AGAP1: variants seen among roughly 807,000 people sequenced by gnomAD.
AGAP1 encodes ArfGAP with GTPase domain, ankyrin repeat and PH domain 1.
In AGAP1, 29 loss-of-function variants were observed where a neutral mutation model predicts 105.3. That is an observed-to-expected ratio of 0.28 (90% CI 0.21 to 0.38). The LOEUF (loss-of-function observed/expected upper bound fraction) is 0.38, where lower values mean the gene tolerates loss of function less well. AGAP1 is among the 10% of genes least tolerant of loss of function. The pLI, the probability that AGAP1 is intolerant of heterozygous loss-of-function variation, is 1.00. For missense variants in AGAP1, 998 were observed against 1,165.1 expected (o/e 0.86, Z 2.09); for synonymous variants, 509 against 485.9 (o/e 1.05, Z -0.63).
At chr2:235,511,873 T>TGTGTGG (rs1942137409) in intron 1 of AGAP1, among the ~76,000 whole-genome samples, 2 of 145,022 alleles carry the variant, frequency 1.4e-5, no homozygotes, top group African/African-American at 2.6e-5. Flanking sequence ...TGTGTGTGTG[T>TGTGTGG]ATGTGAATGT....
At chr2:235,929,612 T>C (rs2052624129) in intron 11 of AGAP1, among the ~76,000 whole-genome samples, 1 of 152,138 alleles carries the variant, frequency 6.6e-6, no homozygotes. Flanking sequence ...CGTGGTTCCG[T>C]GGCTTCCCAG....
rs1189489146 is a variant in AGAP1 at position 235,888,469 on chromosome 2, C to G, written c.1155+5020C>G. 6.6e-6 allele frequency among the ~76,000 whole-genome samples: 1 copy of G among 152,076 alleles called. No homozygotes were observed. Among genetic ancestry groups the G allele is most frequent in the African/African-American group, 2.4e-5 (1 of 41,424 alleles). On this transcript the variant is annotated intron_variant, in intron 10 of 17. Coordinates refer to ENST00000304032, the MANE Select transcript of AGAP1 (RefSeq NM_001037131.3). This position sits in a 1 kb window ranked among gnomAD's most constrained non-coding sequence, Gnocchi z 4.8. Reference sequence around the variant, plus strand: ...AGGCGAGCTCCCCAACCAGTCCTCCCTAGACAAGACAGGCAAGCAAGGGCC... The same window carrying G: ...AGGCGAGCTCCCCAACCAGTCCTCCGTAGACAAGACAGGCAAGCAAGGGCC...
rs975180377 is a variant in AGAP1, at chr2:236,051,932, C to A, written c.2114+2651C>A. ...CACCTTCACCACCTCCTGCACGTCC[C>A]CTCAATAGAAAATGGAAAAGTGAAA... is the stretch of plus-strand genomic sequence containing the variant. On this transcript the variant is annotated intron_variant, in intron 16 of 17. Transcript: ENST00000304032. The surrounding 1 kb of genome is among the most constrained non-coding windows in gnomAD (Gnocchi z 5.9). Among the ~76,000 whole-genome samples, 4 of 152,108 alleles carry A rather than the reference C, an allele frequency of 2.6e-5. No homozygotes were observed. The highest frequency in any genetic ancestry group is 9.7e-5 in the African/African-American group (4 of 41,424).
At position 235,824,911 on chromosome 2, in the gene AGAP1, G is replaced by T. The variant is rs1055155167; in HGVS notation, c.1050+17580G>T. ...GTTTTTATGTCTCACGTTTACAGGCGCTTTTCTGATTTTTCTTTCCCCCTA... is the reference window on the plus strand; with the variant it reads ...GTTTTTATGTCTCACGTTTACAGGCTCTTTTCTGATTTTTCTTTCCCCCTA... On this transcript the variant is annotated intron_variant, in intron 9 of 17. Transcript: ENST00000304032. The surrounding 1 kb of genome is among the most constrained non-coding windows in gnomAD (Gnocchi z 5.2). Among the ~76,000 whole-genome samples, 8 of 152,136 alleles carry T rather than the reference G, an allele frequency of 5.3e-5. No individual in the cohort carries two copies. The highest frequency in any genetic ancestry group is 1.9e-4 in the African/African-American group (8 of 41,426).
chr2:236,023,033 T>C (rs964694927), intron 13 of AGAP1, among the ~76,000 whole-genome samples: 2 of 152,098 alleles, frequency 1.3e-5, no homozygotes, highest in Non-Finnish European at 1.5e-5. Flanking sequence ...TTTTACAAAG[T>C]GTATGAGGAA....
At chr2:235,644,374 C>T (rs1048457406) in intron 1 of AGAP1, among the ~76,000 whole-genome samples, 9 of 152,176 alleles carry the variant, frequency 5.9e-5, no homozygotes, top group African/African-American at 1.9e-4. Context: ...TCTGCAGGGA[C>T]TCCTGAGAGC....
chr2:235,764,725 TGGGGGCATCTGGGAGCGCCCGTGGGG>T (rs1954779987), intron 6 of AGAP1, among the ~76,000 whole-genome samples: 1 of 38,236 alleles, frequency 2.6e-5, no homozygotes, highest in African/African-American at 1.1e-4. Context: ...GCCCGTGGGG[TGGGGGCATCTGGGAGCGCCCGTGGGG>T]TGGGGGCATC....
chr2:235,852,568 TAATG>T lies in AGAP1; in HGVS notation c.1051-30773_1051-30770del, dbSNP rs1186625768. ...TAGCCGTCAGTCAAGTTTTATCTCT[TAATG>T]AATAGAGACTGCTGAAGTAAGGGTT... is the stretch of plus-strand genomic sequence containing the variant. On this transcript the variant is annotated intron_variant, in intron 9 of 17. Transcript: ENST00000304032. 7.0e-6 allele frequency: 7 copies of T among 995,776 alleles called. No homozygotes were observed. The African/African-American group carries it at 8.2e-5, about 12-fold the overall frequency. 61.7% of individuals were successfully genotyped at this position (995,776 alleles called of 1,614,324 possible). A position where few individuals can be genotyped will look rare whatever the true frequency, so the allele number is the denominator to read the frequency against.
intron 12 of AGAP1, among the ~76,000 whole-genome samples, chr2:235,948,715 G>A (rs1575855249): frequency 6.6e-6 from 1 of 152,138 alleles, no homozygotes; most frequent in African/African-American, 2.4e-5. Context: ...TTGAGACTTG[G>A]AGGGGACAGT....
At chr2:235,538,460 T>TGTGTGTGCGC (rs1553561884) in intron 1 of AGAP1, among the ~76,000 whole-genome samples, 25 of 150,560 alleles carry the variant, frequency 1.7e-4, no homozygotes, top group African/African-American at 5.0e-4. Context: ...TGTGTGTGTG[T>TGTGTGTGCGC]GCATGCTTGT....
chr2:235,725,481 C>A lies in AGAP1; in HGVS notation c.310+7837C>A, dbSNP rs143640134. Among the ~76,000 whole-genome samples, 339 of 150,068 alleles carry A rather than the reference C, an allele frequency of 2.3e-3. No homozygotes were observed. Among genetic ancestry groups the A allele is most frequent in the African/African-American group, 8.0e-3 (324 of 40,716 alleles). On this transcript the variant is annotated intron_variant, in intron 3 of 17. Coordinates refer to ENST00000304032, the MANE Select transcript of AGAP1 (RefSeq NM_001037131.3). This position sits in a 1 kb window ranked among gnomAD's most constrained non-coding sequence, Gnocchi z 5.7. ...GTTAGAGTTTATTTCTAAAGCTGTTCTTGGGTGCTGTTTAATGTTCCAGTG... is the reference window on the plus strand; with the variant it reads ...GTTAGAGTTTATTTCTAAAGCTGTTATTGGGTGCTGTTTAATGTTCCAGTG...
chr2:235,670,408 G>T, intron 1 of AGAP1: 1 of 566,776 alleles, frequency 1.8e-6, no homozygotes, highest in Non-Finnish European at 3.2e-6. Flanking sequence ...CCGGGCAGCT[G>T]GAACTGGGGC....
rs545169453 is a variant in AGAP1 at position 235,690,720 on chromosome 2, G to A, written c.164-18459G>A. On this transcript the variant is annotated intron_variant, in intron 1 of 17. Transcript: ENST00000304032. The surrounding 1 kb of genome is among the most constrained non-coding windows in gnomAD (Gnocchi z 4.1). Reference sequence around the variant, plus strand: ...AGGTGCAGGCTTCCGGCTATTGGTAGACACCTGTCTGCTTGGGGCAGGTAT... The same window carrying A: ...AGGTGCAGGCTTCCGGCTATTGGTAAACACCTGTCTGCTTGGGGCAGGTAT... Among the ~76,000 whole-genome samples, 1 of 152,316 alleles carries A rather than the reference G, an allele frequency of 6.6e-6. No individual in the cohort carries two copies. Among genetic ancestry groups the A allele is most frequent in the East Asian group, 1.9e-4 (1 of 5,166 alleles).
At chr2:236,063,731 A>G (rs951843523) in intron 16 of AGAP1, among the ~76,000 whole-genome samples, 1 of 152,236 alleles carries the variant, frequency 6.6e-6, no homozygotes, top group Admixed American at 6.5e-5. Context: ...GGACAAAGCA[A>G]GCCACTCCTG....
intron 1 of AGAP1, among the ~76,000 whole-genome samples, chr2:235,512,797 C>T (rs1340622774): frequency 6.6e-6 from 1 of 152,194 alleles, no homozygotes; most frequent in East Asian, 1.9e-4. Flanking sequence ...GTAACCTTTG[C>T]GCCAGCCAGA....
chr2:235,802,513 A>G (rs1957541532), intron 8 of AGAP1, among the ~76,000 whole-genome samples: 1 of 152,254 alleles, frequency 6.6e-6, no homozygotes, highest in South Asian at 2.1e-4. Context: ...TTGGAGTCAT[A>G]AAAGAAGCTA....
Position 235,505,284 on chromosome 2 carries a change from C to T in AGAP1, c.163+10435C>T, listed in dbSNP as rs149415240. Among the ~76,000 whole-genome samples the T allele has an allele frequency of 3.2e-3, 487 of 152,240 alleles. 5 individuals carry two copies. The highest frequency in any genetic ancestry group is 0.011 in the African/African-American group (475 of 41,534). On this transcript the variant is annotated intron_variant, in intron 1 of 17. Coordinates refer to ENST00000304032, the MANE Select transcript of AGAP1 (RefSeq NM_001037131.3). ...AACTCAAGGAGTAATTTTCTTTGTT[C>T]CAGCGCTGTGTCCTGGGAGCTGCCC...
intron 13 of AGAP1, among the ~76,000 whole-genome samples, chr2:235,974,440 C>T (rs571065106): frequency 6.6e-6 from 1 of 152,228 alleles, no homozygotes; most frequent in African/African-American, 2.4e-5. Context: ...TCTTATTATA[C>T]AAGAGGGTAT....
At chr2:235,858,948 C>T (rs2048798262) in intron 9 of AGAP1, among the ~76,000 whole-genome samples, 2 of 152,178 alleles carry the variant, frequency 1.3e-5, no homozygotes, top group Non-Finnish European at 2.9e-5. Flanking sequence ...AAATGATGGC[C>T]TGTCAACTGA....
Sources: gnomAD v4.1 joint callset for allele counts (sites outside exome capture counted in the v4.1 genomes callset) on GRCh38, gnomAD v4.1.1 for gene constraint, Gnocchi (gnomAD v3.1) non-coding constraint, MANE v1.5 for transcripts, NCBI Gene and HGNC (gene_info 2026-07-23, HGNC 2026-07-21) for gene names.